SGCZ: variants seen among roughly 807,000 people sequenced by gnomAD.
SGCZ encodes the protein sarcoglycan zeta, also known as zeta-sarcoglycan.
Under a neutral mutation model 41.3 loss-of-function variants are expected in SGCZ, and 40 were observed. The observed-to-expected ratio is 0.97, with a 90% CI of 0.75 to 1.26. The LOEUF (loss-of-function observed/expected upper bound fraction) is 1.26, where lower values mean the gene tolerates loss of function less well. Among genes scored for constraint, SGCZ ranks in the 50% most tolerant of loss-of-function variants. The pLI, the probability that SGCZ is intolerant of heterozygous loss-of-function variation, is 0.00. For synonymous variants in SGCZ, 206 were observed against 137.5 expected (o/e 1.50, Z -3.49); for missense variants, 552 against 369.8 (o/e 1.49, Z -4.04).
chr8:14,523,349 A>T (rs903094144), intron 2 of SGCZ, among the ~76,000 whole-genome samples: 1 of 152,028 alleles, frequency 6.6e-6, no homozygotes, highest in African/African-American at 2.4e-5. Flanking sequence ...GGATAGATTT[A>T]TTAGAGAATA....
chr8:14,226,423 G>C (rs922514500), intron 4 of SGCZ, among the ~76,000 whole-genome samples: 1 of 151,888 alleles, frequency 6.6e-6, no homozygotes, highest in African/African-American at 2.4e-5. Flanking sequence ...TGTGAACTAC[G>C]CATGAATCTG....
At chr8:14,783,056 T>G (rs934480352) in intron 1 of SGCZ, among the ~76,000 whole-genome samples, 1 of 152,358 alleles carries the variant, frequency 6.6e-6, no homozygotes, top group African/African-American at 2.4e-5. Flanking sequence ...TTTTACAAAT[T>G]TATTCTTTAC....
intron 1 of SGCZ, among the ~76,000 whole-genome samples, chr8:15,122,738 C>G (rs936882078): frequency 2.0e-5 from 3 of 152,134 alleles, no homozygotes; most frequent in Admixed American, 6.5e-5. Context: ...CTAAAAAAAT[C>G]AAACTCTCAT....
At chr8:14,728,965 G>C (rs1810145480) in intron 1 of SGCZ, among the ~76,000 whole-genome samples, 1 of 152,148 alleles carries the variant, frequency 6.6e-6, no homozygotes, top group South Asian at 2.1e-4. Context: ...TTCATGCGAA[G>C]TCAATGCCCC....
chr8:14,222,130 T>G (rs894337363), intron 4 of SGCZ, among the ~76,000 whole-genome samples: 2 of 152,162 alleles, frequency 1.3e-5, no homozygotes, highest in Non-Finnish European at 2.9e-5. Context: ...AGTTGTTATT[T>G]ACATTACTTC....
chr8:14,482,109 A>G (rs564867257), intron 2 of SGCZ, among the ~76,000 whole-genome samples: 1 of 152,294 alleles, frequency 6.6e-6, no homozygotes, highest in East Asian at 1.9e-4. Flanking sequence ...AAGAGCTCCA[A>G]AAATCAACAT....
intron 1 of SGCZ, among the ~76,000 whole-genome samples, chr8:14,957,812 A>G (rs1319182776): frequency 6.6e-6 from 1 of 152,062 alleles, no homozygotes; most frequent in Non-Finnish European, 1.5e-5. Context: ...AATATACATA[A>G]AACAAAAGTC....
At chr8:14,512,225 C>T (rs137929348) in intron 2 of SGCZ, among the ~76,000 whole-genome samples, 2 of 152,190 alleles carry the variant, frequency 1.3e-5, no homozygotes, top group African/African-American at 2.4e-5. Flanking sequence ...AAGGAAGACG[C>T]TGAAGTGCCT....
intron 1 of SGCZ, among the ~76,000 whole-genome samples, chr8:15,108,692 T>A (rs1204593523): frequency 6.6e-6 from 1 of 152,168 alleles, no homozygotes; most frequent in African/African-American, 2.4e-5. Flanking sequence ...TCCACAGTGT[T>A]CACTCTATAT....
intron 1 of SGCZ, among the ~76,000 whole-genome samples, chr8:14,673,454 C>A (rs1451246730): frequency 1.3e-5 from 2 of 152,034 alleles, no homozygotes; most frequent in Non-Finnish European, 2.9e-5. Context: ...CTGTCTCTCT[C>A]TCTCTCTCTC....
At chr8:14,853,580 G>T (rs1803426801) in intron 1 of SGCZ, 4 of 458,008 alleles carry the variant, frequency 8.7e-6, no homozygotes, top group Non-Finnish European at 1.9e-5. Flanking sequence ...CACATTGCAG[G>T]TTAAAAAAAA....
At chr8:14,812,782 T>C (rs561517136) in intron 1 of SGCZ, among the ~76,000 whole-genome samples, 28 of 152,314 alleles carry the variant, frequency 1.8e-4, no homozygotes, top group Middle Eastern at 6.8e-3. Context: ...TTTATAGTTA[T>C]TGCTGTGAGT....
At chr8:15,164,016 G>A (rs1441204632) in intron 1 of SGCZ, among the ~76,000 whole-genome samples, 4 of 152,178 alleles carry the variant, frequency 2.6e-5, no homozygotes, top group Non-Finnish European at 4.4e-5. Context: ...AATGGCCGCC[G>A]GGAAGCGCTC....
intron 2 of SGCZ, among the ~76,000 whole-genome samples, chr8:14,425,723 CTA>C (rs1799763310): frequency 6.6e-6 from 1 of 152,052 alleles, no homozygotes; most frequent in Non-Finnish European, 1.5e-5. Flanking sequence ...TACAATTTTG[CTA>C]TGTTTCTTAG....
chr8:14,872,511 T>C (rs1804198545), intron 1 of SGCZ, among the ~76,000 whole-genome samples: 1 of 152,126 alleles, frequency 6.6e-6, no homozygotes, highest in Non-Finnish European at 1.5e-5. Context: ...AGAATCAGCA[T>C]CTTTTATGAG....
chr8:14,497,593 TGAGA>T (rs372870558), intron 2 of SGCZ, among the ~76,000 whole-genome samples: 18 of 150,174 alleles, frequency 1.2e-4, no homozygotes, highest in African/African-American at 3.7e-4. Context: ...TGTGTGTGTG[TGAGA>T]GAGAGAGAGA....
chr8:14,383,675 G>C (rs1804456066), intron 2 of SGCZ, among the ~76,000 whole-genome samples: 1 of 152,172 alleles, frequency 6.6e-6, no homozygotes, highest in Non-Finnish European at 1.5e-5. Flanking sequence ...TGTGCTGCAG[G>C]TATAGAGAAT....
chr8:14,895,731 T>A (rs1805171808), intron 1 of SGCZ, among the ~76,000 whole-genome samples: 1 of 152,184 alleles, frequency 6.6e-6, no homozygotes, highest in African/African-American at 2.4e-5. Flanking sequence ...GAATGTGTGA[T>A]AAGTCTCGAA....
chr8:14,819,825 TAGC>T (rs1447185224), intron 1 of SGCZ, among the ~76,000 whole-genome samples: 47 of 152,168 alleles, frequency 3.1e-4, no homozygotes, highest in African/African-American at 1.1e-3. Context: ...GATTTTATGT[TAGC>T]ACAATAGTAA....
Sources: allele counts gnomAD v4.1 joint callset (sites outside exome capture counted in the v4.1 genomes callset), GRCh38; gene constraint gnomAD v4.1.1; transcripts MANE v1.5; gene names NCBI Gene and HGNC (gene_info 2026-07-23, HGNC 2026-07-21).